AHCTF1: variants seen among roughly 807,000 people sequenced by gnomAD.
AHCTF1 encodes the protein protein ELYS.
Under a neutral mutation model 248.4 loss-of-function variants are expected in AHCTF1, and 24 were observed. The observed-to-expected ratio is 0.10, with a 90% confidence interval of 0.07 to 0.14. The LOEUF (loss-of-function observed/expected upper bound fraction) is 0.14. Ranked by LOEUF, AHCTF1 falls within the 10% of genes least tolerant of loss-of-function variation. The pLI, the probability that AHCTF1 is intolerant of heterozygous loss-of-function variation, is 1.00. For synonymous variants in AHCTF1, 786 were observed against 929.8 expected (o/e 0.85, Z 2.81); for missense variants, 2,206 against 2,636.2 (o/e 0.84, Z 3.57).
intron 29 of AHCTF1, among the ~76,000 whole-genome samples, chr1:246,858,767 C>G (rs1350303372): frequency 6.6e-6 from 1 of 150,708 alleles, no homozygotes; most frequent in African/African-American, 2.4e-5. Flanking sequence ...CCACTGCACT[C>G]CAGCCTGGGC....
At chr1:246,870,185 T>C (rs912178751) in intron 24 of AHCTF1, among the ~76,000 whole-genome samples, 3 of 152,220 alleles carry the variant, frequency 2.0e-5, no homozygotes, top group African/African-American at 4.8e-5. Context: ...GGCTCATGCC[T>C]GTAATCCCAG....
At chr1:246,854,192 G>A (rs1427361657) in intron 31 of AHCTF1, among the ~76,000 whole-genome samples, 4 of 151,684 alleles carry the variant, frequency 2.6e-5, no homozygotes, top group East Asian at 1.9e-4. Context: ...CCAGCTACTC[G>A]GGAGACTGAG....
chr1:246,904,349 GGTTGCCT>G (rs1229707745), intron 6 of AHCTF1, among the ~76,000 whole-genome samples: 1 of 152,102 alleles, frequency 6.6e-6, no homozygotes, highest in Non-Finnish European at 1.5e-5. Context: ...TTAAACACAT[GGTTGCCT>G]AAAGTTCTAT....
chr1:246,847,295 A>C (rs1660341380), intron 33 of AHCTF1, among the ~76,000 whole-genome samples: 1 of 111,068 alleles, frequency 9.0e-6, no homozygotes, highest in African/African-American at 6.2e-5. Context: ...ATCTCAAAAA[A>C]AAAAAACAAA....
In AHCTF1 at chr1:246,905,529, T is replaced by C. The variant is rs1471036553; in HGVS notation, c.881+12A>G. On this transcript the variant is annotated intron_variant, in intron 6 of 35. Coordinates refer to ENST00000648844, the MANE Select transcript of AHCTF1 (RefSeq NM_001323342.2). Reference sequence around the variant, plus strand: ...ACAAAACAAAACAAAACAAAGTTTGTATGAGACCTACCTATCTTGTGTAGA... The same window carrying C: ...ACAAAACAAAACAAAACAAAGTTTGCATGAGACCTACCTATCTTGTGTAGA... The C allele has an allele frequency of 1.3e-6, 2 of 1,589,722 alleles. No individual in the cohort carries two copies. The highest frequency in any genetic ancestry group is 8.6e-7 in the Non-Finnish European group (1 of 1,166,750).
intron 29 of AHCTF1, among the ~76,000 whole-genome samples, chr1:246,859,627 T>C (rs1052581551): frequency 2.6e-5 from 4 of 152,132 alleles, no homozygotes; most frequent in Admixed American, 1.3e-4. Flanking sequence ...TGGAGTTCAG[T>C]GGCGCAATCA....
At position 246,885,791 on chromosome 1, in the gene AHCTF1, A is replaced by G. The variant is rs114881438; in HGVS notation, c.2473-111T>C. The G allele has an allele frequency of 6.8e-4, 711 of 1,044,910 alleles. 5 individuals carry two copies. In the African/African-American group the frequency reaches 0.01, roughly 15 times the overall value. 64.7% of individuals were successfully genotyped at this position (1,044,910 alleles called of 1,614,324 possible). ...AAATCCAGATAAGACTCGTTTAAAT[A>G]TAAGCTGAAAAAATCTACTTTAATC... On this transcript the variant is annotated intron_variant, in intron 20 of 35. Transcript: ENST00000648844.
chr1:246,844,033 C>T lies in AHCTF1; in HGVS notation c.6392-105G>A, dbSNP rs569477043. On this transcript the variant is annotated intron_variant, in intron 33 of 35. Coordinates refer to ENST00000648844, the MANE Select transcript of AHCTF1 (RefSeq NM_001323342.2). ...ATTATGTGTTTTAGAAAGATGCAAA[C>T]GTCCCCAAACCTGGAAACCATTAGT... 23 of 809,882 alleles carry T rather than the reference C, an allele frequency of 2.8e-5. No individual in the cohort carries two copies. In the Admixed American group the frequency reaches 5.5e-4, roughly 19 times the overall value. The allele number at this position is 809,882 out of a possible 1,614,324, so 50.2% of individuals were successfully genotyped here. A position where few individuals can be genotyped will look rare whatever the true frequency, so the allele number is the denominator to read the frequency against.
At chr1:246,889,229 T>C (rs982160418) in intron 17 of AHCTF1, among the ~76,000 whole-genome samples, 5 of 152,340 alleles carry the variant, frequency 3.3e-5, no homozygotes, top group African/African-American at 1.2e-4. Context: ...TGAGTGCCTA[T>C]GATGCAACGT....
chr1:246,884,996 C>A (rs986757633), intron 21 of AHCTF1, among the ~76,000 whole-genome samples: 3 of 152,186 alleles, frequency 2.0e-5, no homozygotes, highest in Admixed American at 6.5e-5. Context: ...AAACCCTCAG[C>A]TGTCCAGGCA....
intron 4 of AHCTF1, among the ~76,000 whole-genome samples, chr1:246,911,706 A>G (rs1305638388): frequency 6.6e-6 from 1 of 151,020 alleles, no homozygotes; most frequent in Non-Finnish European, 1.5e-5. Context: ...CTGGTCTCAA[A>G]CTCCCGACCT....
In AHCTF1 at chr1:246,872,976, T is replaced by G; in HGVS notation, c.3088+3061A>C. Among the ~76,000 whole-genome samples, 2 of 152,154 alleles carry G rather than the reference T, an allele frequency of 1.3e-5. 1 individual carries two copies. Among genetic ancestry groups the G allele is most frequent in the Non-Finnish European group, 2.9e-5 (2 of 68,012 alleles). On this transcript the variant is annotated intron_variant, in intron 24 of 35. Transcript: ENST00000648844. ...TCGCCTCCAGACCAACTAAACTGTTTGGACCATGTATTATTAAGCACTCAC... is the reference window on the plus strand; with the variant it reads ...TCGCCTCCAGACCAACTAAACTGTTGGGACCATGTATTATTAAGCACTCAC...
intron 7 of AHCTF1, 66 bp downstream of exon 7, chr1:246,903,883 G>T: frequency 7.2e-5 from 72 of 994,920 alleles, no homozygotes; most frequent in Middle Eastern, 4.5e-4. Context: ...TTAAAACAAA[G>T]ACAACATATT....
chr1:246,909,110 T>TC (rs56013703), intron 4 of AHCTF1, among the ~76,000 whole-genome samples: 324 of 150,108 alleles, frequency 2.2e-3, no homozygotes, highest in African/African-American at 3.1e-3. Context: ...TATCTATCTA[T>TC]TTATATATAT....
chr1:246,924,846 C>T (rs1666821949), intron 1 of AHCTF1, among the ~76,000 whole-genome samples: 1 of 135,798 alleles, frequency 7.4e-6, no homozygotes, highest in African/African-American at 2.9e-5. Flanking sequence ...AAAACAGATC[C>T]AAAAGTCTAA....
intron 7 of AHCTF1, 124 bp downstream of exon 7, chr1:246,903,825 G>T (rs1368746486): frequency 1.3e-6 from 1 of 756,822 alleles, no homozygotes; most frequent in Middle Eastern, 3.7e-4. Flanking sequence ...GCGACAGAGC[G>T]AGACTCTGTC....
rs1174423013 is a variant in AHCTF1 at position 246,931,373 on chromosome 1, C to G, written c.-8+205G>C. On this transcript the variant is annotated intron_variant, in intron 1 of 35. Transcript: ENST00000648844. ...CGAGATTATGTAACGAAGCCCGGCG[C>G]CCGCGAGCCTGCCGTACCCGCCACC... is the stretch of plus-strand genomic sequence containing the variant. The G allele has an allele frequency of 7.2e-6, 11 of 1,517,630 alleles. No homozygotes were observed. The South Asian group carries it at 1.3e-4, about 17-fold the overall frequency. The allele number at this position is 1,517,630 out of a possible 1,614,324, so 94.0% of individuals were successfully genotyped here.
At chr1:246,869,667 G>T (rs950216846) in intron 24 of AHCTF1, among the ~76,000 whole-genome samples, 1 of 151,786 alleles carries the variant, frequency 6.6e-6, no homozygotes, top group African/African-American at 2.4e-5. Context: ...TCTGTTGACA[G>T]CATGGTTTAC....
At chr1:246,857,227 G>T (rs1325850493) in intron 30 of AHCTF1, among the ~76,000 whole-genome samples, 2 of 152,196 alleles carry the variant, frequency 1.3e-5, no homozygotes, top group Admixed American at 6.5e-5. Context: ...CTGGTAAAGT[G>T]TCAATGAAAA....
Sources: allele counts gnomAD v4.1 joint callset (sites outside exome capture counted in the v4.1 genomes callset), GRCh38; gene constraint gnomAD v4.1.1; transcripts MANE v1.5; gene names NCBI Gene and HGNC (gene_info 2026-07-23, HGNC 2026-07-21).